CRACD: variants seen among roughly 807,000 people sequenced by gnomAD.
The protein encoded by CRACD is capping protein-inhibiting regulator of actin dynamics.
Under a neutral mutation model 106.8 loss-of-function variants are expected in CRACD, and 56 were observed. The ratio of observed to expected loss-of-function variants is 0.52; its 90% confidence interval spans 0.42 to 0.66. The LOEUF is 0.66. Among genes scored for constraint, CRACD ranks in the 30% least tolerant of loss-of-function variants. The probability of loss-of-function intolerance (pLI) is 0.00; values close to 1 mark genes in which losing one functional copy is unlikely to be tolerated. For missense variants in CRACD, 1,730 were observed against 1,623.2 expected (o/e 1.07, Z -1.13); for synonymous variants, 754 against 670.8 (o/e 1.12, Z -1.92).
At chr4:56,216,027 TTGG>T (rs1203076801) in intron 2 of CRACD, 2 of 152,270 alleles carry the variant, frequency 1.3e-5, no homozygotes, top group Non-Finnish European at 2.9e-5. Flanking sequence ...GCCCTTGCTC[TTGG>T]TTCAGGTCCC....
intron 2 of CRACD, among the ~76,000 whole-genome samples, chr4:56,214,681 C>CTCTCTCTCTCTCTCTA: frequency 7.3e-4 from 59 of 80,998 alleles, no homozygotes; most frequent in Admixed American, 3.3e-3. Flanking sequence ...CTCTCTCTCT[C>CTCTCTCTCTCTCTCTA]TATATATATA....
chr4:56,296,007 G>T (rs990512761), intron 3 of CRACD, among the ~76,000 whole-genome samples: 1 of 151,946 alleles, frequency 6.6e-6, no homozygotes, highest in Non-Finnish European at 1.5e-5. Flanking sequence ...TGGTGCCCTG[G>T]GTTATTTAGC....
At chr4:56,295,627 ATTCT>A (rs1184058866) in intron 3 of CRACD, among the ~76,000 whole-genome samples, 1 of 145,926 alleles carries the variant, frequency 6.9e-6, no homozygotes, top group East Asian at 2.1e-4. Context: ...GCACTGGTGT[ATTCT>A]GTACACACAA....
chr4:56,180,267 G>A (rs988954948), intron 2 of CRACD, among the ~76,000 whole-genome samples: 3 of 151,882 alleles, frequency 2.0e-5, no homozygotes, highest in Admixed American at 6.6e-5. Flanking sequence ...CGAGGTGGGC[G>A]AATCACAAGG....
chr4:56,137,055 T>G (rs9790781), intron 1 of CRACD, among the ~76,000 whole-genome samples: 1 of 152,020 alleles, frequency 6.6e-6, no homozygotes, highest in African/African-American at 2.4e-5. Flanking sequence ...TGGGGATTTT[T>G]TGTTCTGTTT....
At chr4:56,106,251 C>A (rs1185911378) in intron 1 of CRACD, among the ~76,000 whole-genome samples, 2 of 152,188 alleles carry the variant, frequency 1.3e-5, no homozygotes, top group African/African-American at 4.8e-5. Flanking sequence ...CAAGCTAAAT[C>A]CTCTCCTTTA....
chr4:56,091,062 A>G (rs575009861), intron 1 of CRACD, among the ~76,000 whole-genome samples: 46 of 151,528 alleles, frequency 3.0e-4, no homozygotes, highest in Middle Eastern at 3.4e-3. Context: ...TTATTTATTT[A>G]TTTATTTTGA....
At chr4:56,230,313 GC>G (rs1469926341) in intron 2 of CRACD, among the ~76,000 whole-genome samples, 3 of 152,060 alleles carry the variant, frequency 2.0e-5, no homozygotes, top group Admixed American at 2.0e-4. Context: ...AAGCATGCAG[GC>G]TTTTTCTGCA....
intron 2 of CRACD, among the ~76,000 whole-genome samples, chr4:56,208,854 T>G (rs1277037796): frequency 2.0e-5 from 3 of 152,212 alleles, no homozygotes; most frequent in African/African-American, 7.2e-5. Flanking sequence ...AGTCATTTAT[T>G]TAGGTAAAGT....
intron 2 of CRACD, among the ~76,000 whole-genome samples, chr4:56,222,034 A>G (rs140299884): frequency 1.2e-4 from 19 of 152,326 alleles, no homozygotes; most frequent in African/African-American, 4.6e-4. Flanking sequence ...CAATCCCACT[A>G]CTGGCTATCT....
intron 2 of CRACD, among the ~76,000 whole-genome samples, chr4:56,253,719 C>G (rs1016043854): frequency 6.6e-6 from 1 of 152,238 alleles, no homozygotes; most frequent in African/African-American, 2.4e-5. Flanking sequence ...AATATGTGTG[C>G]TTCAGATTTC....
At position 56,297,235 on chromosome 4, in the gene CRACD, TG is replaced by T. The variant is rs1467577052; in HGVS notation, c.-16-977del. 2.0e-5 allele frequency among the ~76,000 whole-genome samples: 3 copies of T among 152,296 alleles called. No homozygotes were observed. In the East Asian group the frequency reaches 5.8e-4, roughly 29 times the overall value. ...TGGGCTTGGCATGAGCCACCGTGCC[TG>T]GCTGTCTTTGTGCATTTCACACGGC... is the stretch of plus-strand genomic sequence containing the variant. On this transcript the variant is annotated intron_variant, in intron 3 of 10. Coordinates refer to ENST00000682029, the MANE Select transcript of CRACD (RefSeq NM_001393381.1).
In CRACD at chr4:56,307,728, G is replaced by T. The variant is rs73159946; in HGVS notation, c.285+29G>T. ...AGTCTCCTCCAGGGAATGACTTGATGGCTCATAAACCAGGGCAGGACATTG... is the reference window on the plus strand; with the variant it reads ...AGTCTCCTCCAGGGAATGACTTGATTGCTCATAAACCAGGGCAGGACATTG... On this transcript the variant is annotated intron_variant, in intron 5 of 10. Coordinates refer to ENST00000682029, the MANE Select transcript of CRACD (RefSeq NM_001393381.1). 9.7e-4 allele frequency: 1,557 copies of T among 1,612,198 alleles called. 13 individuals carry two copies. In the African/African-American group the frequency reaches 0.017, roughly 17 times the overall value.
chr4:56,146,082 A>G (rs1391033748), intron 1 of CRACD, among the ~76,000 whole-genome samples: 1 of 152,090 alleles, frequency 6.6e-6, no homozygotes, highest in Admixed American at 6.6e-5. Flanking sequence ...CATCCTATAC[A>G]TTTTATTATT....
rs113994965 is a variant in CRACD at position 56,209,595 on chromosome 4, T to G, written c.-189+30165T>G. Among the ~76,000 whole-genome samples the G allele has an allele frequency of 2.7e-3, 404 of 152,278 alleles. 2 individuals are homozygous for G. Among genetic ancestry groups the G allele is most frequent in the African/African-American group, 9.3e-3 (388 of 41,576 alleles). On this transcript the variant is annotated intron_variant, in intron 2 of 10. Coordinates refer to ENST00000682029, the MANE Select transcript of CRACD (RefSeq NM_001393381.1). ...AAATTATTAAATTATTCTATAAATT[T>G]TAGAAAGATGTTTCTTCCTATATTT...
At chr4:56,133,003 C>A (rs938021648) in intron 1 of CRACD, among the ~76,000 whole-genome samples, 2 of 152,158 alleles carry the variant, frequency 1.3e-5, no homozygotes, top group Non-Finnish European at 2.9e-5. Context: ...CAATATCTGA[C>A]CTATTTTTTT....
intron 2 of CRACD, among the ~76,000 whole-genome samples, chr4:56,194,460 T>G (rs950166701): frequency 6.6e-6 from 1 of 152,120 alleles, no homozygotes; most frequent in Non-Finnish European, 1.5e-5. Context: ...GCAAACAAAA[T>G]GAAAAGTAAA....
chr4:56,200,540 A>G (rs534864407), intron 2 of CRACD, among the ~76,000 whole-genome samples: 3 of 152,306 alleles, frequency 2.0e-5, no homozygotes, highest in Admixed American at 6.5e-5. Flanking sequence ...TTAAGAAGCC[A>G]CTTTCAACTG....
At chr4:56,129,630 A>C (rs530167988) in intron 1 of CRACD, among the ~76,000 whole-genome samples, 7 of 152,262 alleles carry the variant, frequency 4.6e-5, no homozygotes, top group African/African-American at 1.7e-4. Flanking sequence ...ACTGGAGGGC[A>C]CTCGATGATG....
Sources: gnomAD v4.1 joint callset for allele counts (sites outside exome capture counted in the v4.1 genomes callset) on GRCh38, gnomAD v4.1.1 for gene constraint, MANE v1.5 for transcripts, NCBI Gene and HGNC (gene_info 2026-07-23, HGNC 2026-07-21) for gene names.